The following PGPEP1 variants were observed in gnomAD, a reference collection of about 807,000 sequenced individuals.
PGPEP1 encodes pyroglutamyl-peptidase 1.
In PGPEP1, 15 loss-of-function variants were observed where a neutral mutation model predicts 24.1. That is an observed-to-expected ratio of 0.62 (90% confidence interval 0.42 to 0.96). The LOEUF is 0.96. Among genes scored for constraint, PGPEP1 ranks in the 40% least tolerant of loss-of-function variants. PGPEP1 has a pLI of 0.00. For missense variants in PGPEP1, 242 were observed against 273.4 expected (o/e 0.89, Z 0.81); for synonymous variants, 122 against 116.4 (o/e 1.05, Z -0.31).
chr19:18,363,648 G>A lies in PGPEP1; in HGVS notation c.*65G>A. 2 of 1,273,804 alleles carry A rather than the reference G, an allele frequency of 1.6e-6. No homozygotes were observed. The highest frequency in any genetic ancestry group is 1.1e-6 in the Non-Finnish European group (1 of 905,500). 78.9% of individuals were successfully genotyped at this position (1,273,804 alleles called of 1,614,324 possible). On this transcript the variant is annotated 3_prime_UTR_variant, in exon 5 of 5. Transcript: ENST00000269919. ...CCCCACGAGGGGACATCCACCCTCT[G>A]GGGTGTGGCCAGGAAAAGACAAGCT...
In PGPEP1 at chr19:18,369,865, G is replaced by T. The variant is rs1048151721; in HGVS notation, c.*6282G>T. On this transcript the variant is annotated 3_prime_UTR_variant, in exon 5 of 5. Transcript: ENST00000269919. ...GTCCCGGGCCCCCCAGGCGGAGAAG[G>T]ATATGCCGGATTCTGCCTGGGGCTG... The T allele has an allele frequency of 1.6e-4, 24 of 152,280 alleles. No individual in the cohort carries two copies. The highest frequency in any genetic ancestry group is 5.5e-4 in the African/African-American group (23 of 41,576). The allele number at this position is 152,280 out of a possible 1,614,324, so 9.4% of individuals were successfully genotyped here.
intron 2 of PGPEP1, among the ~76,000 whole-genome samples, chr19:18,349,230 G>A (rs1207061407): frequency 2.0e-5 from 3 of 152,052 alleles, no homozygotes; most frequent in Non-Finnish European, 2.9e-5. Context: ...CATCCAGGCT[G>A]GAGGGCAGTG....
chr19:18,362,278 G>C (rs1004170184), intron 4 of PGPEP1, among the ~76,000 whole-genome samples: 12 of 152,078 alleles, frequency 7.9e-5, no homozygotes, highest in African/African-American at 2.2e-4. Context: ...GTGCTGGCAG[G>C]CACCTGTAAT....
chr19:18,363,370 C>G (rs972930498), intron 4 of PGPEP1, 21 bp from the exon 5 acceptor site: 12 of 1,591,646 alleles, frequency 7.5e-6, no homozygotes, highest in Admixed American at 1.7e-5. Flanking sequence ...TCTCTCTTAC[C>G]CGCCACGCCC....
At chr19:18,362,027 C>A (rs762687335) in intron 4 of PGPEP1, 8 of 232,816 alleles carry the variant, frequency 3.4e-5, no homozygotes, top group Non-Finnish European at 5.6e-5. Flanking sequence ...TTCTGTTTTC[C>A]TGCTTTTATA....
rs899998014 is a variant in PGPEP1 at position 18,350,881 on chromosome 19, C to T, written c.88-5014C>T. 1.8e-4 allele frequency among the ~76,000 whole-genome samples: 28 copies of T among 152,100 alleles called. 1 individual carries two copies. The highest frequency in any genetic ancestry group is 1.4e-3 in the Admixed American group (22 of 15,272). On this transcript the variant is annotated intron_variant, in intron 2 of 4. Coordinates refer to ENST00000269919, the MANE Select transcript of PGPEP1 (RefSeq NM_017712.4). ...TCAAGGCTGCAGCGAGCGCTGATGG[C>T]GCCACTGCACTCCAGCCTCAGTGAC...
chr19:18,363,721 C>T lies in PGPEP1; in HGVS notation c.*138C>T, dbSNP rs1328388798. ...GGAAGAGAGATTCTGATCTGCCCAC[C>T]TCCTCTTCCTCCTTCTCTACAAAAG... is the stretch of plus-strand genomic sequence containing the variant. On this transcript the variant is annotated 3_prime_UTR_variant, in exon 5 of 5. Coordinates refer to ENST00000269919, the MANE Select transcript of PGPEP1 (RefSeq NM_017712.4). The T allele has an allele frequency of 1.0e-5, 6 of 575,174 alleles. No individual in the cohort carries two copies. The African/African-American group carries it at 1.1e-4, about 11-fold the overall frequency. The allele number at this position is 575,174 out of a possible 1,614,324, so 35.6% of individuals were successfully genotyped here.
At chr19:18,342,580 G>A (rs534524977) in intron 1 of PGPEP1, among the ~76,000 whole-genome samples, 12 of 152,280 alleles carry the variant, frequency 7.9e-5, no homozygotes, top group Admixed American at 5.9e-4. Context: ...GGACCTTTTC[G>A]GAGGCAGAAG....
chr19:18,347,468 CTT>C (rs1309172717), intron 2 of PGPEP1, among the ~76,000 whole-genome samples: 2 of 151,126 alleles, frequency 1.3e-5, no homozygotes, highest in African/African-American at 4.9e-5. Context: ...ATCTCTTCCC[CTT>C]TCTCTCTCTT....
At chr19:18,361,717 A>G in intron 4 of PGPEP1, 1 of 985,290 alleles carries the variant, frequency 1.0e-6, no homozygotes. Context: ...CAGACACGGA[A>G]ACCATGAAGC....
chr19:18,367,625 GA>G lies in PGPEP1; in HGVS notation c.*4045del, dbSNP rs1971592970. On this transcript the variant is annotated 3_prime_UTR_variant, in exon 5 of 5. Coordinates refer to ENST00000269919, the MANE Select transcript of PGPEP1 (RefSeq NM_017712.4). The stretch of plus-strand genomic sequence containing the variant: ...CTCAAAAAAGAAATAAGATGGAGTG[GA>G]AAGGAAAGAAAGGAAGAAGCAGGAA... The G allele has an allele frequency of 6.6e-6, 1 of 152,236 alleles. No individual in the cohort carries two copies. The highest frequency in any genetic ancestry group is 2.1e-4 in the South Asian group (1 of 4,836). The allele number at this position is 152,236 out of a possible 1,614,324, so 9.4% of individuals were successfully genotyped here.
intron 1 of PGPEP1, 123 bp downstream of exon 1, chr19:18,340,838 C>G: frequency 1.5e-6 from 1 of 683,726 alleles, no homozygotes; most frequent in Non-Finnish European, 2.1e-6. Context: ...GGTGTCATCA[C>G]CCGCGGGAGC....
At chr19:18,351,254 G>A (rs1263582265) in intron 2 of PGPEP1, among the ~76,000 whole-genome samples, 2 of 149,850 alleles carry the variant, frequency 1.3e-5, no homozygotes, top group Non-Finnish European at 3.0e-5. Context: ...GACAGAATGA[G>A]ACTCCATCTC....
In PGPEP1 at chr19:18,368,198, G is replaced by A. The variant is rs1160075552; in HGVS notation, c.*4615G>A. On this transcript the variant is annotated 3_prime_UTR_variant, in exon 5 of 5. Coordinates refer to ENST00000269919, the MANE Select transcript of PGPEP1 (RefSeq NM_017712.4). Reference sequence around the variant, plus strand: ...TATGCCTGTTATCCCAGCACTTTGGGAGGCCAAGGCAGACTGATCGCTTGA... The same window carrying A: ...TATGCCTGTTATCCCAGCACTTTGGAAGGCCAAGGCAGACTGATCGCTTGA... 1.3e-5 allele frequency: 2 copies of A among 152,118 alleles called. No individual in the cohort carries two copies. Among genetic ancestry groups the A allele is most frequent in the Non-Finnish European group, 2.9e-5 (2 of 68,066 alleles). The allele number at this position is 152,118 out of a possible 1,614,324, so 9.4% of individuals were successfully genotyped here.
At chr19:18,350,358 G>A (rs2144546919) in intron 2 of PGPEP1, among the ~76,000 whole-genome samples, 1 of 152,258 alleles carries the variant, frequency 6.6e-6, no homozygotes, top group Non-Finnish European at 1.5e-5. Context: ...AGAGCTCTGT[G>A]GGTCTCCTCT....
chr19:18,362,461 C>T (rs534152508), intron 4 of PGPEP1, among the ~76,000 whole-genome samples: 1 of 151,812 alleles, frequency 6.6e-6, no homozygotes, highest in Admixed American at 6.6e-5. Context: ...CACGGTGGCT[C>T]ACACCTGTAA....
chr19:18,355,939 G>A lies in PGPEP1; in HGVS notation c.132G>A (p.Val44=). ...TTGGCGACAGCGTGGACCTGCATGT[G>A]TACGAGATTCCGGTTGAGTACCAAA... ...LGLGDSVDLH[V]YEIPVEYQTV... The change falls in exon 3 of 5, where the codon GTG becomes GTA. Residue 44 remains valine, a synonymous_variant. Transcript: ENST00000269919. 3 of 1,613,674 alleles carry A rather than the reference G, an allele frequency of 1.9e-6. No individual in the cohort carries two copies. The highest frequency in any genetic ancestry group is 2.2e-5 in the South Asian group (2 of 91,076).
rs1971215492 is a variant in PGPEP1, at chr19:18,357,417, C to A, written c.239C>A (p.Thr80Asn). Residue 80 changes from threonine (T) to asparagine (N), a missense_variant, in exon 4 of 5, where the codon ACC becomes AAC. Thr to Asn is a moderately conservative substitution (Grantham distance 65, BLOSUM62 0). Coordinates refer to ENST00000269919, the MANE Select transcript of PGPEP1 (RefSeq NM_017712.4). ...VVHVGVSGMA[T>N]TVTLEKCGHN... ...CATGTGGGGGTGTCAGGCATGGCGA[C>A]CACAGTCACACTGGAGAAATGTGGA... 1.9e-6 allele frequency: 3 copies of A among 1,613,874 alleles called. No homozygotes were observed. The Admixed American group carries it at 5.0e-5, about 27-fold the overall frequency.
chr19:18,357,341 C>A (rs1971211750), intron 3 of PGPEP1, 42 bp from the exon 4 acceptor site: 5 of 1,516,838 alleles, frequency 3.3e-6, no homozygotes, highest in Non-Finnish European at 4.6e-6. Flanking sequence ...CTCTGAGTCC[C>A]ACGGGCAGGC....
Sources: gnomAD v4.1 joint callset for allele counts (sites outside exome capture counted in the v4.1 genomes callset) on GRCh38, gnomAD v4.1.1 for gene constraint, MANE v1.5 for transcripts, NCBI Gene and HGNC (gene_info 2026-07-23, HGNC 2026-07-21) for gene names.